Variants in CYRIB observed in about 807,000 individuals in gnomAD.
The protein encoded by CYRIB is CYFIP-related Rac1 interactor B.
Under a neutral mutation model 44.2 loss-of-function variants are expected in CYRIB, and 8 were observed. That is an observed-to-expected ratio of 0.18 (90% confidence interval 0.11 to 0.33). CYRIB has a LOEUF of 0.33. CYRIB is among the 10% of genes least tolerant of loss of function. CYRIB has a pLI of 1.00. For missense variants in CYRIB, 185 were observed against 382.8 expected (o/e 0.48, Z 4.31); for synonymous variants, 131 against 127.2 (o/e 1.03, Z -0.20).
chr8:129,862,731 C>CA (rs765278067), intron 4 of CYRIB, among the ~76,000 whole-genome samples: 8 of 152,180 alleles, frequency 5.3e-5, no homozygotes, highest in Non-Finnish European at 1.0e-4. Flanking sequence ...CTTGGCCTCC[C>CA]AAAGTGCTGG....
At chr8:130,012,253 C>A (rs957433147) in intron 1 of CYRIB, among the ~76,000 whole-genome samples, 1 of 152,140 alleles carries the variant, frequency 6.6e-6, no homozygotes, top group Non-Finnish European at 1.5e-5. Flanking sequence ...CGTCCATGTA[C>A]TCTTCTCGAC....
chr8:129,842,312 A>G (rs1268262705), intron 11 of CYRIB, 107 bp from the exon 14 acceptor site: 2 of 752,850 alleles, frequency 2.7e-6, no homozygotes, highest in Non-Finnish European at 4.5e-6. Flanking sequence ...AAAACTCACA[A>G]AATTATGGCT....
chr8:129,984,350 C>A (rs2132886082), intron 1 of CYRIB, among the ~76,000 whole-genome samples: 1 of 152,234 alleles, frequency 6.6e-6, no homozygotes, highest in African/African-American at 2.4e-5. Flanking sequence ...GGGAGGCCCT[C>A]TTCCCCACCC....
intron 3 of CYRIB, among the ~76,000 whole-genome samples, chr8:129,877,648 C>CAA (rs34206018): frequency 8.1e-6 from 1 of 124,018 alleles, no homozygotes; most frequent in African/African-American, 3.3e-5. Flanking sequence ...GACCTCATAT[C>CAA]AAAAAAAAAA....
intron 1 of CYRIB, among the ~76,000 whole-genome samples, chr8:129,984,475 G>A (rs2096375121): frequency 1.3e-5 from 2 of 152,090 alleles, no homozygotes; most frequent in South Asian, 4.1e-4. Flanking sequence ...AGCCGGCTCA[G>A]AGAGATGGGA....
intron 2 of CYRIB, among the ~76,000 whole-genome samples, chr8:129,956,794 T>TTTCC (rs1297552044): frequency 2.2e-4 from 34 of 151,774 alleles, no homozygotes; most frequent in African/African-American, 5.8e-4. Flanking sequence ...TAAGCCTATT[T>TTTCC]TTCCTTCCTT....
At chr8:129,894,342 C>G (rs2135172160) in intron 2 of CYRIB, 1 of 152,340 alleles carries the variant, frequency 6.6e-6, no homozygotes, top group Admixed American at 6.5e-5. Context: ...AAATGTCTCA[C>G]TGATGTTTAA....
upstream of CYRIB, among the ~76,000 whole-genome samples, chr8:129,940,673 AT>A (rs776631616): frequency 1.2e-4 from 18 of 151,938 alleles, no homozygotes; most frequent in East Asian, 2.9e-3. Context: ...ATAAAGCTGA[AT>A]TTTTTTTTAT....
chr8:129,923,568 C>A (rs1250167996), intron 1 of CYRIB, among the ~76,000 whole-genome samples: 2 of 152,122 alleles, frequency 1.3e-5, no homozygotes, highest in African/African-American at 4.8e-5. Context: ...AGTCACTGCA[C>A]CCGGCCAAGT....
intron 2 of CYRIB, chr8:129,879,795 A>G (rs2133902363): frequency 4.5e-6 from 1 of 220,750 alleles, no homozygotes; most frequent in African/African-American, 2.3e-5. Flanking sequence ...ATATTCTGAA[A>G]AAGAAATTTC....
intron 1 of CYRIB, among the ~76,000 whole-genome samples, chr8:130,014,658 T>C (rs2097302064): frequency 6.6e-6 from 1 of 152,152 alleles, no homozygotes; most frequent in Non-Finnish European, 1.5e-5. Flanking sequence ...TCTCCCAAAG[T>C]GAAGGGCAGA....
At chr8:129,847,525 A>T (rs2040777701) in intron 10 of CYRIB, among the ~76,000 whole-genome samples, 1 of 152,172 alleles carries the variant, frequency 6.6e-6, no homozygotes, top group Admixed American at 6.5e-5. Flanking sequence ...GAAAAGAAGA[A>T]CTTTCAGGTA....
intron 1 of CYRIB, among the ~76,000 whole-genome samples, chr8:129,974,345 C>T (rs559001119): frequency 9.2e-5 from 14 of 152,236 alleles, no homozygotes; most frequent in Non-Finnish European, 1.8e-4. Context: ...ATCACCCCTA[C>T]CAGAAACGTT....
chr8:130,000,266 G>T (rs567602066), intron 1 of CYRIB, among the ~76,000 whole-genome samples: 2 of 152,212 alleles, frequency 1.3e-5, no homozygotes, highest in South Asian at 4.1e-4. Flanking sequence ...GCAAACCTAG[G>T]GTTTTTTCTG....
intron 1 of CYRIB, among the ~76,000 whole-genome samples, chr8:129,979,168 A>G (rs775462782): frequency 2.6e-5 from 4 of 152,036 alleles, no homozygotes; most frequent in South Asian, 2.1e-4. Flanking sequence ...TAATTAATTA[A>G]TTAAATAAAT....
intron 11 of CYRIB, chr8:129,844,043 GTAGA>G (rs1203575323): frequency 6.6e-6 from 1 of 152,178 alleles, no homozygotes; most frequent in Non-Finnish European, 1.5e-5. Flanking sequence ...TTCTCTTTAT[GTAGA>G]TAAAGTATAC....
chr8:130,010,016 G>A (rs1241278484), intron 1 of CYRIB, among the ~76,000 whole-genome samples: 4 of 152,154 alleles, frequency 2.6e-5, no homozygotes, highest in East Asian at 3.8e-4. Context: ...TCCTCCTACC[G>A]CCCAAGCCTT....
intron 1 of CYRIB, among the ~76,000 whole-genome samples, chr8:130,000,376 G>T (rs768609527): frequency 6.6e-6 from 1 of 152,140 alleles, no homozygotes; most frequent in East Asian, 1.9e-4. Context: ...ATAAATCCTG[G>T]GCATGAAATG....
chr8:129,951,472 C>T (rs1201290745), intron 2 of CYRIB, among the ~76,000 whole-genome samples: 3 of 151,500 alleles, frequency 2.0e-5, no homozygotes, highest in Non-Finnish European at 2.9e-5. Context: ...TTTGGGAGGC[C>T]GAGGCGGGCA....
Sources: gnomAD v4.1 joint callset for allele counts (sites outside exome capture counted in the v4.1 genomes callset) on GRCh38, gnomAD v4.1.1 for gene constraint, MANE v1.5 for transcripts, NCBI Gene and HGNC (gene_info 2026-07-23, HGNC 2026-07-21) for gene names.